UNC79: variants seen among roughly 807,000 people sequenced by gnomAD.
UNC79 encodes unc-79 subunit of NALCN channel complex.
In UNC79, 37 loss-of-function variants were observed where a neutral mutation model predicts 283.1. The observed-to-expected ratio is 0.13, with a 90% confidence interval of 0.10 to 0.17. UNC79 has a LOEUF of 0.17. Ranked by LOEUF, UNC79 falls within the 10% of genes least tolerant of loss-of-function variation. The pLI, the probability that UNC79 is intolerant of heterozygous loss-of-function variation, is 1.00. For synonymous variants in UNC79, 1,107 were observed against 1,200.2 expected (o/e 0.92, Z 1.61); for missense variants, 2,272 against 3,211.1 (o/e 0.71, Z 7.07).
rs1174336654 is a variant in UNC79 at position 93,357,767 on chromosome 14, ATGGATATG to A, written c.-351+24252_-351+24259del. On this transcript the variant is annotated intron_variant, in intron 1 of 49. Coordinates refer to the UNC79 transcript ENST00000256339. ...TATATGGATATATGGATATATATAT[ATGGATATG>A]TGGATATATGGATATATATATATGG... Among the ~76,000 whole-genome samples the A allele has an allele frequency of 1.1e-4, 10 of 94,926 alleles. No homozygotes were observed. In the East Asian group the frequency reaches 2.0e-3, roughly 19 times the overall value. The allele number at this position is 94,926 out of a possible 152,430, so 62.3% of individuals were successfully genotyped here.
intron 19 of UNC79, 133 bp from the exon 20 acceptor site, chr14:93,582,070 C>A: frequency 7.5e-7 from 1 of 1,334,868 alleles, no homozygotes; most frequent in Non-Finnish European, 1.0e-6. Context: ...GGGTGTGGTG[C>A]CTTGGCCTCT....
rs893807556 is a variant in UNC79 at position 93,516,254 on chromosome 14, A to G, written c.899-7724A>G. Among the ~76,000 whole-genome samples the G allele has an allele frequency of 5.3e-5, 8 of 152,150 alleles. No individual in the cohort carries two copies. The East Asian group carries it at 7.7e-4, about 15-fold the overall frequency. On this transcript the variant is annotated intron_variant, in intron 7 of 48. Transcript: ENST00000555664. ...TAGCTTTACGGTGTATTTTAGAATC[A>G]TGTAGTATAAATCCTCTAGATTTGC... is the stretch of plus-strand genomic sequence containing the variant.
chr14:93,407,933 C>CA (rs563071117), intron 1 of UNC79, among the ~76,000 whole-genome samples: 18 of 152,176 alleles, frequency 1.2e-4, no homozygotes, highest in Admixed American at 3.3e-4. Context: ...AAGGCTCTGA[C>CA]ACCTACAGTT....
chr14:93,496,571 G>C (rs112986715), intron 6 of UNC79, 105 bp downstream of exon 6: 2 of 679,610 alleles, frequency 2.9e-6, no homozygotes, highest in Non-Finnish European at 4.6e-6. Flanking sequence ...ATTTATTGAC[G>C]TCCTATTATT....
intron 31 of UNC79, 77 bp downstream of exon 33, chr14:93,630,985 C>T: frequency 1.5e-6 from 2 of 1,319,992 alleles, no homozygotes; most frequent in South Asian, 2.4e-5. Context: ...TTCAATTTTC[C>T]CAATCTTGGT....
chr14:93,570,189 T>A (rs1427024300), intron 14 of UNC79, among the ~76,000 whole-genome samples: 1 of 152,220 alleles, frequency 6.6e-6, no homozygotes, highest in Non-Finnish European at 1.5e-5. Flanking sequence ...CCTCAGGCGA[T>A]CTTTTTGCCT....
chr14:93,653,337 A>ATG (rs1334131774), intron 35 of UNC79, among the ~76,000 whole-genome samples: 1 of 151,120 alleles, frequency 6.6e-6, no homozygotes, highest in East Asian at 1.9e-4. Flanking sequence ...ATATATATAT[A>ATG]TATGAATTTT....
Position 93,686,556 on chromosome 14 carries a change from T to C in UNC79, c.6820-16T>C. On this transcript the variant is annotated splice_polypyrimidine_tract_variant and intron_variant, in intron 42 of 48. Coordinates refer to ENST00000555664, the Ensembl canonical transcript of UNC79. ...CAAAAATGAAGGTGTGACCCAGCTG[T>C]GTCCTTGTGTTTCAGTGTGGGACTG... 1 of 1,613,882 alleles carries C rather than the reference T, an allele frequency of 6.2e-7. No homozygotes were observed. The highest frequency in any genetic ancestry group is 8.5e-7 in the Non-Finnish European group (1 of 1,179,802).
At chr14:93,547,224 C>T (rs2061642395) in intron 14 of UNC79, among the ~76,000 whole-genome samples, 1 of 152,146 alleles carries the variant, frequency 6.6e-6, no homozygotes, top group South Asian at 2.1e-4. Context: ...TTATATAATT[C>T]CCGAAATATT....
intron 42 of UNC79, 25 bp from the exon 46 acceptor site, chr14:93,686,547 A>T: frequency 6.2e-7 from 1 of 1,613,268 alleles, no homozygotes; most frequent in Non-Finnish European, 8.5e-7. Flanking sequence ...TGAAGGTGTG[A>T]CCCAGCTGTG....
Position 93,690,628 on chromosome 14 carries a change from G to T in UNC79, c.7272+325G>T. On this transcript the variant is annotated intron_variant, in intron 45 of 48. Coordinates refer to ENST00000555664, the Ensembl canonical transcript of UNC79. The surrounding 1 kb of genome is among the most constrained non-coding windows in gnomAD (Gnocchi z 4.3). ...AAATATAATCAAAATTCTGTGATCA[G>T]TTTTTAAAACCAGAGACAAAACAAA... 3.9e-6 allele frequency: 1 copy of T among 253,948 alleles called. No homozygotes were observed. Among genetic ancestry groups the T allele is most frequent in the Admixed American group, 5.0e-5 (1 of 19,804 alleles). 15.7% of individuals were successfully genotyped at this position (253,948 alleles called of 1,614,324 possible).
intron 1 of UNC79, among the ~76,000 whole-genome samples, chr14:93,411,482 G>T (rs530626172): frequency 2.6e-5 from 4 of 152,362 alleles, no homozygotes; most frequent in African/African-American, 9.6e-5. Context: ...GTTATAGTTA[G>T]CCTTGGGTTG....
intron 11 of UNC79, among the ~76,000 whole-genome samples, chr14:93,537,512 C>T (rs901403530): frequency 5.3e-5 from 8 of 152,176 alleles, no homozygotes; most frequent in Non-Finnish European, 7.3e-5. Flanking sequence ...GGAGCTGTAG[C>T]GGAAATCTAC....
chr14:93,337,107 C>A (rs1396088619), intron 1 of UNC79, among the ~76,000 whole-genome samples: 4 of 152,140 alleles, frequency 2.6e-5, no homozygotes, highest in Non-Finnish European at 4.4e-5. Flanking sequence ...TTCCTTGATG[C>A]CTTTCAGCCA....
At chr14:93,637,333 G>A in intron 32 of UNC79, 34 bp downstream of exon 35, 1 of 1,610,918 alleles carries the variant, frequency 6.2e-7, no homozygotes. Context: ...GGCTGTAAAA[G>A]CTGAAGGAGA....
At position 93,372,853 on chromosome 14, in the gene UNC79, G is replaced by A. The variant is rs532887746; in HGVS notation, c.-351+39330G>A. On this transcript the variant is annotated intron_variant, in intron 1 of 49. Coordinates refer to the UNC79 transcript ENST00000256339. ...CTATAGACTACCTTATCCAACAACA[G>A]CAGAGTACATGTTCTTCTCAAGGTC... is the stretch of plus-strand genomic sequence containing the variant. Among the ~76,000 whole-genome samples the A allele has an allele frequency of 1.1e-4, 16 of 152,270 alleles. No individual in the cohort carries two copies. The South Asian group carries it at 3.3e-3, about 32-fold the overall frequency.
At chr14:93,699,363 C>T (rs1267135711) in intron 47 of UNC79, among the ~76,000 whole-genome samples, 1 of 152,124 alleles carries the variant, frequency 6.6e-6, no homozygotes, top group African/African-American at 2.4e-5. Flanking sequence ...GAGATGGCAA[C>T]TAAGATAATT....
intron 1 of UNC79, among the ~76,000 whole-genome samples, chr14:93,384,561 C>G (rs2054731050): frequency 1.3e-5 from 2 of 152,148 alleles, no homozygotes; most frequent in African/African-American, 2.4e-5. Flanking sequence ...GATGTTTTTC[C>G]TATAGAGTTG....
intron 1 of UNC79, among the ~76,000 whole-genome samples, chr14:93,405,322 T>A (rs2055205369): frequency 6.6e-6 from 1 of 151,508 alleles, no homozygotes; most frequent in Admixed American, 6.6e-5. Flanking sequence ...AACAATTATG[T>A]TTACCCTAAA....
Sources: allele counts gnomAD v4.1 joint callset (sites outside exome capture counted in the v4.1 genomes callset), GRCh38; gene constraint gnomAD v4.1.1; non-coding constraint Gnocchi (gnomAD v3.1); transcripts MANE v1.5; gene names NCBI Gene and HGNC (gene_info 2026-07-23, HGNC 2026-07-21).